The following PDE4D variants were observed in gnomAD, a reference collection of about 807,000 sequenced individuals.
The protein encoded by PDE4D is 3',5'-cyclic-AMP phosphodiesterase 4D.
PDE4D carries 24 observed loss-of-function variants against 87.4 expected under a neutral mutation model. The ratio of observed to expected loss-of-function variants is 0.27; its 90% CI spans 0.20 to 0.39. PDE4D has a LOEUF of 0.39. Ranked by LOEUF, PDE4D falls within the 10% of genes least tolerant of loss-of-function variation. PDE4D has a pLI of 1.00. For synonymous variants in PDE4D, 384 were observed against 383.2 expected (o/e 1.00, Z -0.02); for missense variants, 714 against 1,041.0 (o/e 0.69, Z 4.32).
intron 2 of PDE4D, among the ~76,000 whole-genome samples, chr5:60,180,530 G>A (rs1447910952): frequency 6.6e-6 from 1 of 152,118 alleles, no homozygotes; most frequent in Non-Finnish European, 1.5e-5. Context: ...GGGTTAGGGA[G>A]ACAGGGTGGT....
intron 5 of PDE4D, among the ~76,000 whole-genome samples, chr5:59,158,796 C>T (rs1780605528): frequency 6.6e-6 from 1 of 152,218 alleles, no homozygotes; most frequent in South Asian, 2.1e-4. Context: ...TACCCCTGGT[C>T]TTAAAACCCT....
chr5:59,644,275 G>C (rs889868277), intron 1 of PDE4D, among the ~76,000 whole-genome samples: 1 of 152,208 alleles, frequency 6.6e-6, no homozygotes, highest in Non-Finnish European at 1.5e-5. Flanking sequence ...GCCAGCTGAA[G>C]AGATTTTTTG....
At chr5:59,242,326 G>A (rs1344425577) in intron 1 of PDE4D, among the ~76,000 whole-genome samples, 3 of 152,008 alleles carry the variant, frequency 2.0e-5, no homozygotes, top group Non-Finnish European at 2.9e-5. Flanking sequence ...CTTCTTAATG[G>A]GTTCTCTAAG....
In PDE4D at chr5:60,213,272, C is replaced by T. The variant is rs376023020; in HGVS notation, c.-89-27585G>A. Among the ~76,000 whole-genome samples, 16 of 152,258 alleles carry T rather than the reference C, an allele frequency of 1.1e-4. No homozygotes were observed. In the East Asian group the frequency reaches 1.7e-3, roughly 17 times the overall value. On this transcript the variant is annotated intron_variant, in intron 1 of 16. Coordinates refer to the PDE4D transcript ENST00000502484. ...CGAAGCAGGGGCTATTTTCCTATTG[C>T]TTTGGTTATTGTTGCTGGCAAATAG...
At chr5:59,608,017 T>C (rs1388335904) in intron 1 of PDE4D, among the ~76,000 whole-genome samples, 4 of 152,214 alleles carry the variant, frequency 2.6e-5, no homozygotes, top group Non-Finnish European at 5.9e-5. Flanking sequence ...AAAATAAACC[T>C]CTCTACTTGT....
Position 59,339,418 on chromosome 5 carries a change from G to T in PDE4D, c.456-123450C>A, listed in dbSNP as rs539327476. On this transcript the variant is annotated intron_variant, in intron 1 of 14. Transcript: ENST00000340635. Reference sequence around the variant, plus strand: ...CTAAGGTTAGTTTCAGCATGCAACTGGTGATAAATGGCATATAGATGCATG... The same window carrying T: ...CTAAGGTTAGTTTCAGCATGCAACTTGTGATAAATGGCATATAGATGCATG... Among the ~76,000 whole-genome samples the T allele has an allele frequency of 2.6e-5, 4 of 152,298 alleles. No homozygotes were observed. The South Asian group carries it at 8.3e-4, about 32-fold the overall frequency.
chr5:60,046,917 G>C (rs1448585569), intron 2 of PDE4D, among the ~76,000 whole-genome samples: 1 of 152,120 alleles, frequency 6.6e-6, no homozygotes, highest in Non-Finnish European at 1.5e-5. Flanking sequence ...TTTTTCTATT[G>C]ATTGGAATAG....
Position 59,299,930 on chromosome 5 carries a change from C to T in PDE4D, c.456-83962G>A, listed in dbSNP as rs190702726. ...TTTCAGACCAGTCTGGCCAACATGG[C>T]GAAACCCTGTCTCTACAAAAAATAC... On this transcript the variant is annotated intron_variant, in intron 1 of 14. Coordinates refer to ENST00000340635, the MANE Select transcript of PDE4D (RefSeq NM_001104631.2). Among the ~76,000 whole-genome samples, 101 of 151,904 alleles carry T rather than the reference C, an allele frequency of 6.6e-4. No individual in the cohort carries two copies. The East Asian group carries it at 0.018, about 27-fold the overall frequency.
intron 1 of PDE4D, among the ~76,000 whole-genome samples, chr5:59,478,045 G>A (rs1803622161): frequency 1.3e-5 from 2 of 151,938 alleles, no homozygotes; most frequent in Admixed American, 1.3e-4. Context: ...CTACTAGAAG[G>A]GGAAGGGAGG....
At chr5:59,414,915 A>G (rs1793339838) in intron 1 of PDE4D, among the ~76,000 whole-genome samples, 1 of 152,172 alleles carries the variant, frequency 6.6e-6, no homozygotes, top group South Asian at 2.1e-4. Context: ...GAGGACATGG[A>G]TTTATGCTGG....
chr5:59,593,527 A>T (rs1826206177), intron 1 of PDE4D, among the ~76,000 whole-genome samples: 1 of 152,206 alleles, frequency 6.6e-6, no homozygotes, highest in African/African-American at 2.4e-5. Flanking sequence ...AGTTCCTCAC[A>T]TAAGGAGCTT....
At chr5:60,063,041 C>A (rs1362225443) in intron 2 of PDE4D, among the ~76,000 whole-genome samples, 1 of 146,686 alleles carries the variant, frequency 6.8e-6, no homozygotes, top group Non-Finnish European at 1.5e-5. Context: ...GTGTAAGAAA[C>A]CTGCATGTTC....
At chr5:60,045,111 G>A (rs1336904675) in intron 2 of PDE4D, among the ~76,000 whole-genome samples, 14 of 152,204 alleles carry the variant, frequency 9.2e-5, no homozygotes, top group Admixed American at 9.2e-4. Context: ...TTCTCTGATG[G>A]CCAGTGATGG....
intron 1 of PDE4D, among the ~76,000 whole-genome samples, chr5:59,622,557 A>G (rs1387308158): frequency 6.6e-6 from 1 of 152,018 alleles, no homozygotes; most frequent in Non-Finnish European, 1.5e-5. Flanking sequence ...CTTTCGGCAC[A>G]CCCCGATCTC....
intron 1 of PDE4D, among the ~76,000 whole-genome samples, chr5:59,555,235 A>G (rs1818703631): frequency 6.6e-6 from 1 of 152,176 alleles, no homozygotes; most frequent in East Asian, 1.9e-4. Flanking sequence ...TCCTTAGCAA[A>G]CTAACGCAGG....
chr5:59,383,386 C>T (rs2153604088), intron 1 of PDE4D, among the ~76,000 whole-genome samples: 1 of 152,176 alleles, frequency 6.6e-6, no homozygotes, highest in East Asian at 1.9e-4. Context: ...AATCTATCCC[C>T]ACTCCCCTTC....
intron 1 of PDE4D, among the ~76,000 whole-genome samples, chr5:60,473,483 G>A (rs1465239591): frequency 6.6e-6 from 1 of 152,164 alleles, no homozygotes; most frequent in Non-Finnish European, 1.5e-5. Flanking sequence ...AAGAACAAGA[G>A]AATGATAAAG....
intron 1 of PDE4D, among the ~76,000 whole-genome samples, chr5:60,343,670 G>A (rs570108213): frequency 2.0e-5 from 3 of 151,962 alleles, no homozygotes; most frequent in Admixed American, 1.3e-4. Flanking sequence ...AGACTGGAGG[G>A]TCGAAAGATG....
At chr5:59,386,348 G>A (rs574422250) in intron 1 of PDE4D, among the ~76,000 whole-genome samples, 1 of 152,242 alleles carries the variant, frequency 6.6e-6, no homozygotes, top group African/African-American at 2.4e-5. Context: ...CAAATAATTT[G>A]TAAATATGGC....
Sources: gnomAD v4.1 joint callset for allele counts (sites outside exome capture counted in the v4.1 genomes callset) on GRCh38, gnomAD v4.1.1 for gene constraint, MANE v1.5 for transcripts, NCBI Gene and HGNC (gene_info 2026-07-23, HGNC 2026-07-21) for gene names.